ENOX1: variants seen among roughly 807,000 people sequenced by gnomAD.
The protein encoded by ENOX1 is ecto-NOX disulfide-thiol exchanger 1.
Under a neutral mutation model 82.5 loss-of-function variants are expected in ENOX1, and 42 were observed. The ratio of observed to expected loss-of-function variants is 0.51; its 90% CI spans 0.40 to 0.66. The LOEUF (loss-of-function observed/expected upper bound fraction) is 0.66. Ranked by LOEUF, ENOX1 falls within the 30% of genes least tolerant of loss-of-function variation. The pLI is 0.00. For missense variants in ENOX1, 608 were observed against 811.6 expected (o/e 0.75, Z 3.05); for synonymous variants, 271 against 282.2 (o/e 0.96, Z 0.40).
At chr13:43,658,642 C>T (rs945430990) in intron 2 of ENOX1, among the ~76,000 whole-genome samples, 12 of 152,204 alleles carry the variant, frequency 7.9e-5, no homozygotes, top group Admixed American at 7.2e-4. Flanking sequence ...AGAGCAAACA[C>T]ATTAGGTGTT....
intron 1 of ENOX1, among the ~76,000 whole-genome samples, chr13:43,741,610 G>T (rs1247958290): frequency 5.9e-5 from 9 of 152,168 alleles, no homozygotes; most frequent in Non-Finnish European, 1.5e-5. Context: ...TTATTAAGTT[G>T]CATGAGTTCT....
chr13:43,230,989 A>G (rs959959206), intron 15 of ENOX1, among the ~76,000 whole-genome samples: 3 of 152,172 alleles, frequency 2.0e-5, no homozygotes, highest in African/African-American at 4.8e-5. Flanking sequence ...GTCAGGTTCT[A>G]AAGTTCTGGC....
At chr13:43,297,849 C>A (rs2046362143) in intron 12 of ENOX1, among the ~76,000 whole-genome samples, 1 of 152,188 alleles carries the variant, frequency 6.6e-6, no homozygotes, top group Non-Finnish European at 1.5e-5. Flanking sequence ...ATTCCATCAA[C>A]AAACACTTCT....
chr13:43,530,570 C>A (rs556421047), intron 2 of ENOX1, among the ~76,000 whole-genome samples: 13 of 152,198 alleles, frequency 8.5e-5, no homozygotes, highest in African/African-American at 3.1e-4. Flanking sequence ...CCACTAGTCC[C>A]ATGCTGTGTG....
intron 2 of ENOX1, among the ~76,000 whole-genome samples, chr13:43,632,076 T>C (rs2083239241): frequency 6.6e-6 from 1 of 152,198 alleles, no homozygotes; most frequent in African/African-American, 2.4e-5. Context: ...TATCCATTCA[T>C]GCCCTTTGAT....
chr13:43,417,743 A>C (rs375088358), intron 3 of ENOX1, among the ~76,000 whole-genome samples: 1 of 152,218 alleles, frequency 6.6e-6, no homozygotes, highest in East Asian at 1.9e-4. Flanking sequence ...TTGGAAATGT[A>C]GTGTTTCCAT....
chr13:43,434,890 A>G (rs2055897123), intron 3 of ENOX1, among the ~76,000 whole-genome samples: 1 of 145,544 alleles, frequency 6.9e-6, no homozygotes, highest in Non-Finnish European at 1.5e-5. Flanking sequence ...TTTGACAATC[A>G]CTGTTCTACG....
intron 1 of ENOX1, among the ~76,000 whole-genome samples, chr13:43,687,016 T>C (rs1332886770): frequency 1.3e-5 from 2 of 152,330 alleles, no homozygotes; most frequent in East Asian, 1.9e-4. Context: ...TACATTTCCA[T>C]TTTCATGTTG....
At chr13:43,615,332 C>T (rs959510960) in intron 2 of ENOX1, among the ~76,000 whole-genome samples, 1 of 152,002 alleles carries the variant, frequency 6.6e-6, no homozygotes, top group African/African-American at 2.4e-5. Flanking sequence ...ATAACGCCCC[C>T]CAAAAGAGGC....
chr13:43,461,223 A>G (rs2057470181), intron 3 of ENOX1, among the ~76,000 whole-genome samples: 1 of 152,238 alleles, frequency 6.6e-6, no homozygotes, highest in Admixed American at 6.5e-5. Context: ...GATTCAAACT[A>G]TAGGCCTAGC....
At chr13:43,552,526 C>T (rs2153700366) in intron 2 of ENOX1, among the ~76,000 whole-genome samples, 1 of 152,274 alleles carries the variant, frequency 6.6e-6, no homozygotes, top group Admixed American at 6.5e-5. Context: ...ACATTCTCCT[C>T]CCTTTTTATT....
At chr13:43,300,943 G>GT (rs1481815711) in intron 11 of ENOX1, among the ~76,000 whole-genome samples, 1 of 152,150 alleles carries the variant, frequency 6.6e-6, no homozygotes, top group Non-Finnish European at 1.5e-5. Context: ...TTAACATTGT[G>GT]CAGCCCAGCT....
At position 43,326,532 on chromosome 13, in the gene ENOX1, T is replaced by G. The variant is rs1379501362; in HGVS notation, c.1037-7A>C. On this transcript the variant is annotated splice_polypyrimidine_tract_variant and splice_region_variant and intron_variant, in intron 9 of 16. Transcript: ENST00000690772. Reference sequence around the variant, plus strand: ...ACGGCCACAATCTGCTCAACTTTGGTGAACAAGGAAGTCAAACAAGACAAG... The same window carrying G: ...ACGGCCACAATCTGCTCAACTTTGGGGAACAAGGAAGTCAAACAAGACAAG... The G allele has an allele frequency of 6.2e-7, 1 of 1,612,416 alleles. No individual in the cohort carries two copies. The highest frequency in any genetic ancestry group is 2.2e-5 in the East Asian group (1 of 44,882).
intron 1 of ENOX1, among the ~76,000 whole-genome samples, chr13:43,672,512 T>G (rs1227595994): frequency 6.6e-6 from 1 of 152,178 alleles, no homozygotes; most frequent in Non-Finnish European, 1.5e-5. Context: ...ATGAAATAAA[T>G]TTGTATGCTT....
intron 2 of ENOX1, among the ~76,000 whole-genome samples, chr13:43,631,384 G>A (rs1427968781): frequency 1.3e-5 from 2 of 152,136 alleles, no homozygotes; most frequent in African/African-American, 4.8e-5. Context: ...ACACTGTTGA[G>A]GTTCTCTTTA....
At chr13:43,555,658 T>C (rs1023976361) in intron 2 of ENOX1, among the ~76,000 whole-genome samples, 2 of 152,168 alleles carry the variant, frequency 1.3e-5, no homozygotes, top group African/African-American at 4.8e-5. Context: ...TCTACCTACA[T>C]GGAAGCTTCC....
At chr13:43,561,331 A>AC (rs899875762) in intron 2 of ENOX1, among the ~76,000 whole-genome samples, 1 of 152,076 alleles carries the variant, frequency 6.6e-6, no homozygotes, top group African/African-American at 2.4e-5. Flanking sequence ...GGCAGAGTAT[A>AC]CCCCGGAGCT....
intron 1 of ENOX1, among the ~76,000 whole-genome samples, chr13:43,739,130 G>A (rs566317783): frequency 6.6e-6 from 1 of 152,254 alleles, no homozygotes; most frequent in African/African-American, 2.4e-5. Flanking sequence ...CTTACACTAA[G>A]TCATTTCTTC....
intron 3 of ENOX1, among the ~76,000 whole-genome samples, chr13:43,449,189 T>C (rs1311065886): frequency 2.0e-5 from 3 of 152,190 alleles, no homozygotes; most frequent in African/African-American, 2.4e-5. Flanking sequence ...TCTAAATAAG[T>C]CATTATTTCA....
Sources: allele counts gnomAD v4.1 joint callset (sites outside exome capture counted in the v4.1 genomes callset), GRCh38; gene constraint gnomAD v4.1.1; transcripts MANE v1.5; gene names NCBI Gene and HGNC (gene_info 2026-07-23, HGNC 2026-07-21).